PITPNC1: variants seen among roughly 807,000 people sequenced by gnomAD.
PITPNC1 encodes the protein cytoplasmic phosphatidylinositol transfer protein 1.
Under a neutral mutation model 44.7 loss-of-function variants are expected in PITPNC1, and 18 were observed. The observed-to-expected ratio is 0.40, with a 90% CI of 0.28 to 0.60. PITPNC1 has a LOEUF of 0.60. Ranked by LOEUF, PITPNC1 falls within the 20% of genes least tolerant of loss-of-function variation. PITPNC1 has a pLI of 0.39. For missense variants in PITPNC1, 290 were observed against 418.4 expected, an observed-to-expected ratio of 0.69 and a Z score of 2.68; for synonymous variants, 141 against 149.6, an observed-to-expected ratio of 0.94 and a Z score of 0.42.
chr17:67,690,123 A>AAAT (rs2042892979), intron 8 of PITPNC1, among the ~76,000 whole-genome samples: 1 of 152,220 alleles, frequency 6.6e-6, no homozygotes, highest in Non-Finnish European at 1.5e-5. Flanking sequence ...ATTTTGTGAA[A>AAAT]AATACTTCTG....
chr17:67,440,289 T>A (rs945383522), intron 1 of PITPNC1, among the ~76,000 whole-genome samples: 17 of 152,098 alleles, frequency 1.1e-4, no homozygotes, highest in African/African-American at 4.1e-4. Flanking sequence ...GCAACCTCAC[T>A]TGTCTCCTTC....
intron 1 of PITPNC1, among the ~76,000 whole-genome samples, chr17:67,496,361 C>G (rs1393384830): frequency 1.3e-5 from 2 of 152,186 alleles, no homozygotes; most frequent in African/African-American, 4.8e-5. Flanking sequence ...AGTCTTCTAA[C>G]TACATTATCC....
intron 1 of PITPNC1, among the ~76,000 whole-genome samples, chr17:67,449,374 T>G (rs971742919): frequency 2.0e-5 from 3 of 152,210 alleles, no homozygotes; most frequent in Non-Finnish European, 1.5e-5. Context: ...GATTGGGTAT[T>G]GTCAATTTAA....
chr17:67,629,942 A>C (rs546931816), intron 5 of PITPNC1, among the ~76,000 whole-genome samples: 1 of 152,378 alleles, frequency 6.6e-6, no homozygotes, highest in African/African-American at 2.4e-5. Flanking sequence ...TGAAGAGTCC[A>C]GTCTCCAAAT....
intron 1 of PITPNC1, among the ~76,000 whole-genome samples, chr17:67,520,681 C>T (rs1175937690): frequency 2.6e-5 from 4 of 152,128 alleles, no homozygotes; most frequent in Admixed American, 6.5e-5. Context: ...TCTTAAGAAC[C>T]GAGACCGTCC....
At chr17:67,458,307 G>A (rs1343842794) in intron 1 of PITPNC1, among the ~76,000 whole-genome samples, 1 of 152,104 alleles carries the variant, frequency 6.6e-6, no homozygotes, top group Non-Finnish European at 1.5e-5. Flanking sequence ...TCTGAATCTT[G>A]TATTAGATGC....
chr17:67,443,465 C>T (rs1157721657), intron 1 of PITPNC1, among the ~76,000 whole-genome samples: 1 of 151,660 alleles, frequency 6.6e-6, no homozygotes, highest in Non-Finnish European at 1.5e-5. Flanking sequence ...ATCTGTTTAC[C>T]GGTGTCCCTA....
intron 5 of PITPNC1, among the ~76,000 whole-genome samples, chr17:67,580,402 G>A (rs1045616979): frequency 1.2e-4 from 18 of 152,220 alleles, no homozygotes; most frequent in African/African-American, 4.1e-4. Flanking sequence ...CTGGAGTGCA[G>A]TAGCACGATC....
At chr17:67,548,577 C>T (rs944274741) in intron 2 of PITPNC1, among the ~76,000 whole-genome samples, 6 of 152,086 alleles carry the variant, frequency 3.9e-5, no homozygotes, top group African/African-American at 1.4e-4. Flanking sequence ...GGCGACAGAG[C>T]AAGCCTCTGT....
chr17:67,415,945 A>T (rs1431863196), intron 1 of PITPNC1, among the ~76,000 whole-genome samples: 1 of 152,084 alleles, frequency 6.6e-6, no homozygotes, highest in Non-Finnish European at 1.5e-5. Context: ...GTTTATATTT[A>T]CTATGTGTGT....
At chr17:67,431,088 T>C (rs1463821303) in intron 1 of PITPNC1, among the ~76,000 whole-genome samples, 1 of 141,004 alleles carries the variant, frequency 7.1e-6, no homozygotes, top group Non-Finnish European at 1.5e-5. Context: ...CGATGGAATA[T>C]TGCTCTGTCG....
chr17:67,665,227 C>T (rs902483337), intron 6 of PITPNC1, among the ~76,000 whole-genome samples: 1 of 151,982 alleles, frequency 6.6e-6, no homozygotes, highest in Non-Finnish European at 1.5e-5. Flanking sequence ...CAAGTAGCTG[C>T]GACTATAAGC....
chr17:67,471,240 TAA>T (rs758005772), intron 1 of PITPNC1, among the ~76,000 whole-genome samples: 38 of 118,360 alleles, frequency 3.2e-4, no homozygotes, highest in African/African-American at 9.9e-4. Context: ...AAAAAAAATG[TAA>T]AAAAAAAAAA....
intron 1 of PITPNC1, among the ~76,000 whole-genome samples, chr17:67,514,409 C>T (rs575616335): frequency 6.7e-6 from 1 of 149,002 alleles, no homozygotes; most frequent in South Asian, 2.3e-4. Context: ...CCATGTTGGC[C>T]AGGCTGGTCT....
At chr17:67,570,025 G>C (rs552215546) in intron 4 of PITPNC1, among the ~76,000 whole-genome samples, 1 of 152,138 alleles carries the variant, frequency 6.6e-6, no homozygotes, top group African/African-American at 2.4e-5. Context: ...AGGGACAGGC[G>C]TGCTTTTTTG....
chr17:67,604,088 C>A (rs1006348455), intron 5 of PITPNC1, among the ~76,000 whole-genome samples: 1 of 152,282 alleles, frequency 6.6e-6, no homozygotes, highest in East Asian at 1.9e-4. Flanking sequence ...CCAAGTTTTA[C>A]AGGGAGGCAA....
intron 1 of PITPNC1, among the ~76,000 whole-genome samples, chr17:67,521,107 C>T (rs150221139): frequency 1.4e-4 from 20 of 139,692 alleles, no homozygotes; most frequent in South Asian, 2.4e-4. Context: ...ACCCTTGAGG[C>T]GATTTGCACA....
intron 5 of PITPNC1, among the ~76,000 whole-genome samples, chr17:67,593,707 A>G (rs1375216495): frequency 6.6e-6 from 1 of 151,962 alleles, no homozygotes; most frequent in Admixed American, 6.6e-5. Context: ...ATGATTTTTT[A>G]TATTCTTGAT....
At chr17:67,589,604 C>CAAA (rs10714478) in intron 5 of PITPNC1, among the ~76,000 whole-genome samples, 119 of 126,410 alleles carry the variant, frequency 9.4e-4, no homozygotes, top group Middle Eastern at 7.8e-3. Flanking sequence ...ATAATTGACT[C>CAAA]AAAAAAAAAA....
Sources: allele counts gnomAD v4.1 joint callset (sites outside exome capture counted in the v4.1 genomes callset), GRCh38; gene constraint gnomAD v4.1.1; transcripts MANE v1.5; gene names NCBI Gene and HGNC (gene_info 2026-07-23, HGNC 2026-07-21).